The following ZEB2 variants were observed in gnomAD, a reference collection of about 807,000 sequenced individuals.
ZEB2 encodes the protein zinc finger E-box-binding homeobox 2.
ZEB2 carries 6 observed loss-of-function variants against 99.9 expected under a neutral mutation model. The ratio of observed to expected loss-of-function variants is 0.06; its 90% CI spans 0.03 to 0.12. The LOEUF is 0.12. Ranked by LOEUF, ZEB2 falls within the 10% of genes least tolerant of loss-of-function variation. ZEB2 has a pLI of 1.00. For synonymous variants in ZEB2, 517 were observed against 542.5 expected (o/e 0.95, Z 0.65); for missense variants, 969 against 1,502.8 (o/e 0.64, Z 5.87).
intron 3 of ZEB2, chr2:144,426,999 T>C (rs1342721343): frequency 6.6e-6 from 1 of 152,184 alleles, no homozygotes; most frequent in East Asian, 1.9e-4. Context: ...CTTTCTGCCT[T>C]ATGTCTAACC....
At position 144,384,194 on chromosome 2, in the gene ZEB2, A is replaced by G. The variant is rs1703051068; in HGVS notation, c.*5257T>C. ...AGACCAAATCGGAACAGTAGTGTTC[A>G]TTTTCTATTTTCAGTATTTTGGAGC... On this transcript the variant is annotated 3_prime_UTR_variant, in exon 10 of 10. Coordinates refer to ENST00000627532, the MANE Select transcript of ZEB2 (RefSeq NM_014795.4). The G allele has an allele frequency of 6.6e-6, 1 of 152,022 alleles. No homozygotes were observed. The highest frequency in any genetic ancestry group is 2.1e-4 in the South Asian group (1 of 4,814). The allele number at this position is 152,022 out of a possible 1,614,324, so 9.4% of individuals were successfully genotyped here.
chr2:144,440,528 T>A (rs1236281187), intron 2 of ZEB2, among the ~76,000 whole-genome samples: 1,451 of 18,524 alleles, frequency 0.078, 28 homozygotes, highest in African/African-American at 0.13. Context: ...TTTTTTTTTT[T>A]TTTTTTTTTT....
At chr2:144,408,878 A>G (rs1703420921) in intron 4 of ZEB2, among the ~76,000 whole-genome samples, 2 of 152,214 alleles carry the variant, frequency 1.3e-5, no homozygotes, top group Admixed American at 1.3e-4. Context: ...AGATCCAATT[A>G]AATTCAATAA....
chr2:144,399,649 A>G lies in ZEB2; in HGVS notation c.1538T>C (p.Leu513Pro). 6.2e-7 allele frequency: 1 copy of G among 1,614,228 alleles called. No individual in the cohort carries two copies. Among genetic ancestry groups the G allele is most frequent in the Non-Finnish European group, 8.5e-7 (1 of 1,180,032 alleles). The change falls in exon 8 of 10, where the codon CTT becomes CCT. Residue 513 changes from leucine to proline, a missense_variant. Physicochemically the swap from Leu to Pro is moderately conservative, Grantham distance 98. This residue lies in a region of ZEB2 where 227 missense variants were observed against 278.2 expected (regional missense o/e 0.82). Transcript: ENST00000627532. The surrounding 1 kb of genome is among the most constrained non-coding windows in gnomAD (Gnocchi z 5.6). ...VTSPNIPPVG[L>P]PVVSHNGATK... ...GGCACCATTATGACTCACTACCGGA[A>G]GACCGACAGGCGGAATATTAGGAGA...
At position 144,424,787 on chromosome 2, in the gene ZEB2, A is replaced by T. The variant is rs886042422; in HGVS notation, c.403+9T>A. The T allele has an allele frequency of 6.2e-7, 1 of 1,613,932 alleles. No homozygotes were observed. Among genetic ancestry groups the T allele is most frequent in the Non-Finnish European group, 8.5e-7 (1 of 1,179,932 alleles). ...CAAATGTGATCTGAGCGTGGCCAACATAACTCACCTGTACCATTGTTAATT... is the reference window on the plus strand; with the variant it reads ...CAAATGTGATCTGAGCGTGGCCAACTTAACTCACCTGTACCATTGTTAATT... On this transcript the variant is annotated intron_variant, in intron 4 of 9. Coordinates refer to ENST00000627532, the MANE Select transcript of ZEB2 (RefSeq NM_014795.4).
intron 2 of ZEB2, among the ~76,000 whole-genome samples, chr2:144,517,064 C>T (rs1198313909): frequency 6.7e-6 from 1 of 149,944 alleles, no homozygotes; most frequent in Non-Finnish European, 1.5e-5. Flanking sequence ...CCCCCGGGTG[C>T]CTGACGCTCA....
intron 2 of ZEB2, among the ~76,000 whole-genome samples, chr2:144,502,402 G>C (rs1361711259): frequency 1.3e-5 from 2 of 151,958 alleles, no homozygotes; most frequent in African/African-American, 2.4e-5. Flanking sequence ...TAACATCTGT[G>C]CTCCTGCTGG....
Position 144,387,977 on chromosome 2 carries a change from GAA to G in ZEB2, c.*1472_*1473del, listed in dbSNP as rs1303932090. On this transcript the variant is annotated 3_prime_UTR_variant, in exon 10 of 10. Coordinates refer to ENST00000627532, the MANE Select transcript of ZEB2 (RefSeq NM_014795.4). The stretch of plus-strand genomic sequence containing the variant: ...TGTTACATGTTAATGGTCATTGAAG[GAA>G]AACTCTCTAAAAGTACAGAACTCAT... 2 of 152,528 alleles carry G rather than the reference GAA, an allele frequency of 1.3e-5. No individual in the cohort carries two copies. Among genetic ancestry groups the G allele is most frequent in the African/African-American group, 4.8e-5 (2 of 41,414 alleles). 9.4% of individuals were successfully genotyped at this position (152,528 alleles called of 1,614,324 possible).
Position 144,429,947 on chromosome 2 carries a change from A to G in ZEB2, c.153T>C (p.Gly51=), listed in dbSNP as rs2149891262. 2 of 1,613,842 alleles carry G rather than the reference A, an allele frequency of 1.2e-6. No homozygotes were observed. ...TCTCCTGGTCCAGAGGGTTGGCAAT[A>G]CCGTCATCCTCAGCAATATGAAGCT... ...EDKLHIAEDD[G]IANPLDQETS... The change falls in exon 3 of 10, where the codon GGT becomes GGC. Residue 51 remains glycine (G), a synonymous_variant. Transcript: ENST00000627532.
intron 1 of ZEB2, chr2:144,517,864 A>G: frequency 2.0e-6 from 1 of 497,314 alleles, no homozygotes; most frequent in Non-Finnish European, 3.6e-6. Context: ...AAACAAACAA[A>G]CAAACAACGC....
At chr2:144,424,967 CAG>C (rs1291450443) in intron 3 of ZEB2, 100 bp from the exon 4 acceptor site, 1 of 1,294,904 alleles carries the variant, frequency 7.7e-7, no homozygotes, top group Non-Finnish European at 1.1e-6. Context: ...TTAAAGGAAA[CAG>C]AGAAAAGGCT....
chr2:144,492,249 G>A (rs1704692054), intron 2 of ZEB2, among the ~76,000 whole-genome samples: 1 of 152,188 alleles, frequency 6.6e-6, no homozygotes, highest in South Asian at 2.1e-4. Flanking sequence ...ATTTCCTTGA[G>A]TAGAAAATAG....
rs143450927 is a variant in ZEB2 at position 144,396,406 on chromosome 2, T to C, written c.3067+6A>G. ...GCTCTAACCAGTTAGGCAAAGTCAC[T>C]CATACCTGTGTGTTCGTATTTATGT... On this transcript the variant is annotated splice_donor_region_variant and intron_variant, in intron 9 of 9. Transcript: ENST00000627532. 3 of 1,612,808 alleles carry C rather than the reference T, an allele frequency of 1.9e-6. No individual in the cohort carries two copies. The highest frequency in any genetic ancestry group is 1.7e-6 in the Non-Finnish European group (2 of 1,179,960).
rs1237664365 is a variant in ZEB2 at position 144,492,178 on chromosome 2, T to G, written c.73+25100A>C. 4.6e-5 allele frequency among the ~76,000 whole-genome samples: 7 copies of G among 152,318 alleles called. No individual in the cohort carries two copies. The East Asian group carries it at 1.3e-3, about 29-fold the overall frequency. ...TGATGGGAACAAAGAAACCGTCAGA[T>G]TAAGCGGAAAATAGCTAAAATGATT... On this transcript the variant is annotated intron_variant, in intron 2 of 9. Transcript: ENST00000627532.
intron 2 of ZEB2, among the ~76,000 whole-genome samples, 170 bp downstream of exon 2, chr2:144,517,108 C>T (rs1455626447): frequency 1.3e-5 from 2 of 150,536 alleles, no homozygotes; most frequent in Non-Finnish European, 1.5e-5. Context: ...CCCCCCGGTC[C>T]AGCCGCCGCG....
At chr2:144,455,788 G>A (rs565603329) in intron 2 of ZEB2, among the ~76,000 whole-genome samples, 5 of 151,936 alleles carry the variant, frequency 3.3e-5, no homozygotes, top group Non-Finnish European at 7.4e-5. Context: ...CATCTCTCCT[G>A]CAATAGTACA....
In ZEB2 at chr2:144,512,586, C is replaced by T. The variant is rs550114057; in HGVS notation, c.73+4692G>A. The T allele has an allele frequency of 8.2e-5, 106 of 1,287,148 alleles. No homozygotes were observed. In the African/African-American group the frequency reaches 1.4e-3, roughly 17 times the overall value. 79.7% of individuals were successfully genotyped at this position (1,287,148 alleles called of 1,614,324 possible). A position where few individuals can be genotyped will look rare whatever the true frequency, so the allele number is the denominator to read the frequency against. ...CTATTTGAAAACAAATGGTGGAAGA[C>T]GTGAATTTATTTGTATCTGGTAACA... On this transcript the variant is annotated intron_variant, in intron 2 of 9. Coordinates refer to ENST00000627532, the MANE Select transcript of ZEB2 (RefSeq NM_014795.4).
Position 144,394,860 on chromosome 2 carries a change from A to C in ZEB2, c.3067+1552T>G, listed in dbSNP as rs1416661487. On this transcript the variant is annotated intron_variant, in intron 9 of 9. Transcript: ENST00000627532. Reference sequence around the variant, plus strand: ...GCTGGTCACTTGAGCTGCCTCCAGCATGTGCCCAGTGAGGAATAATAGCCG... The same window carrying C: ...GCTGGTCACTTGAGCTGCCTCCAGCCTGTGCCCAGTGAGGAATAATAGCCG... Among the ~76,000 whole-genome samples, 3 of 152,196 alleles carry C rather than the reference A, an allele frequency of 2.0e-5. No homozygotes were observed. The East Asian group carries it at 5.8e-4, about 29-fold the overall frequency.
intron 2 of ZEB2, among the ~76,000 whole-genome samples, chr2:144,459,881 A>G (rs1704168604): frequency 6.6e-6 from 1 of 152,176 alleles, no homozygotes; most frequent in African/African-American, 2.4e-5. Flanking sequence ...TCATTCTCTC[A>G]TAGAGGAAAA....
Sources: gnomAD v4.1 joint callset for allele counts (sites outside exome capture counted in the v4.1 genomes callset) on GRCh38, gnomAD v4.1.1 for gene constraint, gnomAD v4.1.1 regional missense constraint, Gnocchi (gnomAD v3.1) non-coding constraint, MANE v1.5 for transcripts, NCBI Gene and HGNC (gene_info 2026-07-23, HGNC 2026-07-21) for gene names.